Variants in LHFPL3 observed in about 807,000 individuals in gnomAD.
LHFPL3 encodes the protein LHFPL tetraspan subfamily member 3 protein.
Under a neutral mutation model 19.3 loss-of-function variants are expected in LHFPL3, and 5 were observed. The ratio of observed to expected loss-of-function variants is 0.26; its 90% CI spans 0.14 to 0.54. The LOEUF (loss-of-function observed/expected upper bound fraction) is 0.54, where lower values mean the gene tolerates loss of function less well. Among genes scored for constraint, LHFPL3 ranks in the 20% least tolerant of loss-of-function variants. LHFPL3 has a pLI of 0.94. For missense variants in LHFPL3, 249 were observed against 307.4 expected (o/e 0.81, Z 1.42); for synonymous variants, 133 against 126.2 (o/e 1.05, Z -0.36).
chr7:104,462,208 G>A (rs1465872932), intron 1 of LHFPL3, among the ~76,000 whole-genome samples: 3 of 152,190 alleles, frequency 2.0e-5, no homozygotes, highest in South Asian at 2.1e-4. Context: ...TTTGACTTCC[G>A]CTCTTCCTAT....
chr7:104,536,963 A>G (rs1055240724), intron 1 of LHFPL3, among the ~76,000 whole-genome samples: 1 of 152,226 alleles, frequency 6.6e-6, no homozygotes, highest in African/African-American at 2.4e-5. Context: ...AATGTCATGG[A>G]CTATTTAATC....
chr7:104,788,122 G>T (rs75813071), intron 2 of LHFPL3, among the ~76,000 whole-genome samples: 105 of 152,250 alleles, frequency 6.9e-4, no homozygotes, highest in African/African-American at 2.3e-3. Flanking sequence ...CTGCTCACGC[G>T]TGGGGGAAAA....
intron 1 of LHFPL3, among the ~76,000 whole-genome samples, chr7:104,509,474 A>G (rs1483952628): frequency 2.0e-5 from 3 of 152,158 alleles, no homozygotes; most frequent in Non-Finnish European, 4.4e-5. Flanking sequence ...AGGCTAAAGA[A>G]GAAAAATCAC....
chr7:104,417,017 A>G (rs1319749647), intron 1 of LHFPL3, among the ~76,000 whole-genome samples: 1 of 152,240 alleles, frequency 6.6e-6, no homozygotes, highest in Non-Finnish European at 1.5e-5. Flanking sequence ...ATCCCTTCTC[A>G]CTAGGCCCCA....
At chr7:104,404,404 A>G (rs927986121) in intron 1 of LHFPL3, among the ~76,000 whole-genome samples, 1 of 152,232 alleles carries the variant, frequency 6.6e-6, no homozygotes, top group African/African-American at 2.4e-5. Context: ...TTTTTTAAAA[A>G]CTGCTTATGC....
At chr7:104,659,091 A>G (rs1584465463) in intron 1 of LHFPL3, among the ~76,000 whole-genome samples, 1 of 152,208 alleles carries the variant, frequency 6.6e-6, no homozygotes, top group Non-Finnish European at 1.5e-5. Context: ...GTGCCTTTGC[A>G]TGTGACCTTC....
At chr7:104,406,503 A>G (rs1004413826) in intron 1 of LHFPL3, among the ~76,000 whole-genome samples, 7 of 152,230 alleles carry the variant, frequency 4.6e-5, no homozygotes, top group African/African-American at 1.7e-4. Context: ...TGTTATAACT[A>G]TACCCATTTT....
At chr7:104,513,334 T>C (rs1793857283) in intron 1 of LHFPL3, among the ~76,000 whole-genome samples, 1 of 152,022 alleles carries the variant, frequency 6.6e-6, no homozygotes, top group Non-Finnish European at 1.5e-5. Context: ...CTAAAGAAAA[T>C]GTGTGGTACA....
chr7:104,522,150 A>G (rs531880364), intron 1 of LHFPL3, among the ~76,000 whole-genome samples: 59 of 152,220 alleles, frequency 3.9e-4, no homozygotes, highest in African/African-American at 7.2e-4. Flanking sequence ...ATGTCCAACA[A>G]TGATAGACTG....
At chr7:104,851,669 T>A (rs1027913939) in intron 2 of LHFPL3, among the ~76,000 whole-genome samples, 11 of 152,218 alleles carry the variant, frequency 7.2e-5, no homozygotes, top group Non-Finnish European at 1.5e-4. Context: ...TTCTTCTGTA[T>A]CACTTATCTC....
At chr7:104,660,281 G>A (rs1021143598) in intron 1 of LHFPL3, among the ~76,000 whole-genome samples, 5 of 152,186 alleles carry the variant, frequency 3.3e-5, no homozygotes, top group African/African-American at 7.2e-5. Flanking sequence ...GATTACAGGC[G>A]TGAGCCACCA....
chr7:104,683,920 A>C (rs1175724161), intron 1 of LHFPL3, among the ~76,000 whole-genome samples: 2 of 152,214 alleles, frequency 1.3e-5, no homozygotes, highest in African/African-American at 2.4e-5. Context: ...TGCCATTATC[A>C]ATTGAGAACC....
At chr7:104,695,484 T>C (rs1417591864) in intron 1 of LHFPL3, among the ~76,000 whole-genome samples, 4 of 152,218 alleles carry the variant, frequency 2.6e-5, no homozygotes, top group Non-Finnish European at 4.4e-5. Flanking sequence ...AGTATTCTGA[T>C]AAAAACAAGT....
intron 2 of LHFPL3, among the ~76,000 whole-genome samples, chr7:104,823,636 C>G (rs1254482586): frequency 3.3e-5 from 5 of 152,126 alleles, no homozygotes; most frequent in African/African-American, 1.2e-4. Context: ...TAAAGCAAAA[C>G]TCAGAAACAT....
chr7:104,593,238 G>T (rs1043167799), intron 1 of LHFPL3, among the ~76,000 whole-genome samples: 2 of 151,982 alleles, frequency 1.3e-5, no homozygotes, highest in East Asian at 3.8e-4. Context: ...GGTATGTTGT[G>T]TCTTTGTTCT....
intron 1 of LHFPL3, among the ~76,000 whole-genome samples, chr7:104,541,768 C>G (rs1232044444): frequency 2.0e-5 from 3 of 152,012 alleles, no homozygotes; most frequent in Non-Finnish European, 4.4e-5. Context: ...ATGATTTTTT[C>G]TCTACATTTG....
intron 1 of LHFPL3, among the ~76,000 whole-genome samples, chr7:104,331,822 T>G (rs1396786337): frequency 1.3e-5 from 2 of 151,880 alleles, no homozygotes; most frequent in Non-Finnish European, 2.9e-5. Flanking sequence ...TGGTGGTGGG[T>G]GCCTGTAATC....
intron 2 of LHFPL3, among the ~76,000 whole-genome samples, chr7:104,862,309 T>C (rs552581887): frequency 6.6e-6 from 1 of 152,158 alleles, no homozygotes; most frequent in South Asian, 2.1e-4. Context: ...GGGGTGAAAA[T>C]GAACTTCAGG....
At chr7:104,539,250 C>T (rs114138391) in intron 1 of LHFPL3, among the ~76,000 whole-genome samples, 1,675 of 152,162 alleles carry the variant, frequency 0.011, 26 homozygotes, top group African/African-American at 0.038. Context: ...GGGTATTCCA[C>T]GTGGAAGGAA....
Sources: gnomAD v4.1 joint callset for allele counts (sites outside exome capture counted in the v4.1 genomes callset) on GRCh38, gnomAD v4.1.1 for gene constraint, MANE v1.5 for transcripts, NCBI Gene and HGNC (gene_info 2026-07-23, HGNC 2026-07-21) for gene names.